The following EXOC6B variants were observed in gnomAD, a reference collection of about 807,000 sequenced individuals.
EXOC6B encodes the protein SEC15 homolog B.
Under a neutral mutation model 113.5 loss-of-function variants are expected in EXOC6B, and 54 were observed. The ratio of observed to expected loss-of-function variants is 0.48; its 90% CI spans 0.38 to 0.60. The LOEUF (loss-of-function observed/expected upper bound fraction) is 0.60. Among genes scored for constraint, EXOC6B ranks in the 20% least tolerant of loss-of-function variants. The pLI, the probability that EXOC6B is intolerant of heterozygous loss-of-function variation, is 0.00. For missense variants in EXOC6B, 797 were observed against 977.5 expected (o/e 0.82, Z 2.46); for synonymous variants, 357 against 339.0 (o/e 1.05, Z -0.58).
intron 6 of EXOC6B, among the ~76,000 whole-genome samples, chr2:72,643,772 A>C (rs1673456564): frequency 6.6e-6 from 1 of 151,724 alleles, no homozygotes; most frequent in South Asian, 2.1e-4. Flanking sequence ...ATTTAAAAAA[A>C]ATAAATTTAA....
chr2:72,200,337 C>T (rs1679415854), intron 20 of EXOC6B, among the ~76,000 whole-genome samples: 1 of 152,176 alleles, frequency 6.6e-6, no homozygotes, highest in Non-Finnish European at 1.5e-5. Context: ...CCCTCCAGCT[C>T]TAAGATTCTA....
chr2:72,369,487 G>C (rs1396758070), intron 19 of EXOC6B, among the ~76,000 whole-genome samples: 1 of 152,112 alleles, frequency 6.6e-6, no homozygotes, highest in Non-Finnish European at 1.5e-5. Flanking sequence ...CCAATGACTT[G>C]CTTCACAGAA....
At chr2:72,708,339 T>C (rs1679029921) in intron 6 of EXOC6B, among the ~76,000 whole-genome samples, 1 of 152,198 alleles carries the variant, frequency 6.6e-6, no homozygotes, top group South Asian at 2.1e-4. Context: ...TCCAGGATGA[T>C]CTTTTAGTAA....
chr2:72,276,082 G>A (rs1185164149), intron 20 of EXOC6B, among the ~76,000 whole-genome samples: 1 of 152,110 alleles, frequency 6.6e-6, no homozygotes, highest in African/African-American at 2.4e-5. Flanking sequence ...AAGGGAAGGA[G>A]AGACACAACA....
intron 18 of EXOC6B, among the ~76,000 whole-genome samples, chr2:72,391,539 G>C (rs1692381669): frequency 6.6e-6 from 1 of 152,018 alleles, no homozygotes; most frequent in Non-Finnish European, 1.5e-5. Context: ...ATCCTGTGTG[G>C]GCTGCTGAGC....
At chr2:72,617,319 T>G (rs1671448899) in intron 6 of EXOC6B, among the ~76,000 whole-genome samples, 1 of 152,010 alleles carries the variant, frequency 6.6e-6, no homozygotes, top group Non-Finnish European at 1.5e-5. Flanking sequence ...GTGGCCCTTT[T>G]CTCACAGCTC....
At chr2:72,745,156 C>T (rs1681611259) in intron 1 of EXOC6B, among the ~76,000 whole-genome samples, 1 of 152,082 alleles carries the variant, frequency 6.6e-6, no homozygotes, top group African/African-American at 2.4e-5. Context: ...GGCAGTAGTT[C>T]AAAACAAGTT....
chr2:72,570,584 T>C lies in EXOC6B; in HGVS notation c.846+4908A>G, dbSNP rs112020562. 5.3e-3 allele frequency among the ~76,000 whole-genome samples: 800 copies of C among 152,264 alleles called. 13 individuals are homozygous for C. The highest frequency in any genetic ancestry group is 0.018 in the African/African-American group (737 of 41,552). On this transcript the variant is annotated intron_variant, in intron 7 of 21. Coordinates refer to ENST00000272427, the MANE Select transcript of EXOC6B (RefSeq NM_015189.3). ...TATGTGACCCATACTCTATGACAAG[T>C]GGTGTGGATGACATGGTTACCACTG... is the stretch of plus-strand genomic sequence containing the variant.
intron 18 of EXOC6B, among the ~76,000 whole-genome samples, chr2:72,447,389 C>T (rs1385137792): frequency 6.6e-6 from 1 of 152,120 alleles, no homozygotes; most frequent in African/African-American, 2.4e-5. Flanking sequence ...TAGCAATTAT[C>T]TTGTAATGAA....
At chr2:72,345,163 C>T (rs1208406923) in intron 19 of EXOC6B, among the ~76,000 whole-genome samples, 2 of 152,136 alleles carry the variant, frequency 1.3e-5, no homozygotes, top group East Asian at 3.9e-4. Flanking sequence ...ATGTCCAAGC[C>T]TTCCCCTGGA....
chr2:72,802,071 T>C (rs1313140976), intron 1 of EXOC6B, among the ~76,000 whole-genome samples: 3 of 152,198 alleles, frequency 2.0e-5, no homozygotes, highest in Non-Finnish European at 4.4e-5. Context: ...ATGCCTGTAC[T>C]CCCAGCACTT....
chr2:72,230,170 A>G (rs1236468093), intron 20 of EXOC6B, among the ~76,000 whole-genome samples: 1 of 152,232 alleles, frequency 6.6e-6, no homozygotes, highest in African/African-American at 2.4e-5. Flanking sequence ...TCCTGCTATA[A>G]AGAAACTCAC....
At chr2:72,611,314 T>C (rs1671059590) in intron 6 of EXOC6B, among the ~76,000 whole-genome samples, 2 of 150,838 alleles carry the variant, frequency 1.3e-5, no homozygotes, top group South Asian at 2.1e-4. Context: ...GCCGAGATCG[T>C]GCCACTGCAC....
intron 1 of EXOC6B, among the ~76,000 whole-genome samples, chr2:72,768,488 T>C (rs1414038487): frequency 6.6e-6 from 1 of 151,936 alleles, no homozygotes; most frequent in Admixed American, 6.6e-5. Context: ...CCGGCTAATT[T>C]TGTATTTTGT....
chr2:72,369,648 T>C (rs1183934973), intron 19 of EXOC6B, among the ~76,000 whole-genome samples: 3 of 152,186 alleles, frequency 2.0e-5, no homozygotes, highest in African/African-American at 7.2e-5. Flanking sequence ...AGCATGGTAC[T>C]GGTACCAAAA....
At chr2:72,188,452 G>A (rs1423653785) in intron 20 of EXOC6B, among the ~76,000 whole-genome samples, 1 of 152,146 alleles carries the variant, frequency 6.6e-6, no homozygotes, top group Non-Finnish European at 1.5e-5. Flanking sequence ...GTCTTTTAGG[G>A]TGGCCTGAAG....
At chr2:72,236,834 T>C (rs1175955102) in intron 20 of EXOC6B, among the ~76,000 whole-genome samples, 1 of 152,130 alleles carries the variant, frequency 6.6e-6, no homozygotes, top group Non-Finnish European at 1.5e-5. Flanking sequence ...CTGCGCTGTC[T>C]CAGGTGACTC....
intron 1 of EXOC6B, among the ~76,000 whole-genome samples, chr2:72,797,320 G>C (rs910184828): frequency 6.6e-6 from 1 of 152,100 alleles, no homozygotes; most frequent in Non-Finnish European, 1.5e-5. Flanking sequence ...CCTTTTCTCC[G>C]ATCCTCTCAG....
chr2:72,552,842 A>G (rs571934634), intron 8 of EXOC6B, among the ~76,000 whole-genome samples: 1 of 152,076 alleles, frequency 6.6e-6, no homozygotes, highest in African/African-American at 2.4e-5. Context: ...GTTTTCTTAA[A>G]AGATTATCAA....
Sources: gnomAD v4.1 joint callset for allele counts (sites outside exome capture counted in the v4.1 genomes callset) on GRCh38, gnomAD v4.1.1 for gene constraint, MANE v1.5 for transcripts, NCBI Gene and HGNC (gene_info 2026-07-23, HGNC 2026-07-21) for gene names.